PCDHA1: variants seen among roughly 807,000 people sequenced by gnomAD.
The protein encoded by PCDHA1 is protocadherin alpha-1.
Under a neutral mutation model 61.3 loss-of-function variants are expected in PCDHA1, and 42 were observed. The ratio of observed to expected loss-of-function variants is 0.69; its 90% CI spans 0.54 to 0.89. The LOEUF (loss-of-function observed/expected upper bound fraction) is 0.89, where lower values mean the gene tolerates loss of function less well. Ranked by LOEUF, PCDHA1 falls within the 40% of genes least tolerant of loss-of-function variation. The probability of loss-of-function intolerance (pLI) is 0.00; values close to 1 mark genes in which losing one functional copy is unlikely to be tolerated. For synonymous variants in PCDHA1, 610 were observed against 553.8 expected (o/e 1.10, Z -1.43); for missense variants, 1,256 against 1,235.3 (o/e 1.02, Z -0.25).
At chr5:140,970,773 T>G (rs1385909769) in intron 1 of PCDHA1, among the ~76,000 whole-genome samples, 1 of 152,240 alleles carries the variant, frequency 6.6e-6, no homozygotes, top group Non-Finnish European at 1.5e-5. Context: ...TTGCTGTACA[T>G]ACATATTGTA....
At chr5:140,951,767 G>A (rs561938687) in intron 1 of PCDHA1, among the ~76,000 whole-genome samples, 2 of 152,160 alleles carry the variant, frequency 1.3e-5, no homozygotes, top group South Asian at 2.1e-4. Context: ...ATCTCATGAC[G>A]TTCTTACATT....
At chr5:140,870,638 A>G in intron 1 of PCDHA1, 1 of 1,612,842 alleles carries the variant, frequency 6.2e-7, no homozygotes, top group East Asian at 2.2e-5. Flanking sequence ...GTGCACGCGG[A>G]GAGCGGCAAG....
chr5:140,836,322 C>T (rs2150257752), intron 1 of PCDHA1: 37 of 1,613,644 alleles, frequency 2.3e-5, no homozygotes, highest in Admixed American at 3.3e-5. Context: ...GCGCCACCGC[C>T]TTCTGGTGCT....
chr5:140,803,103 G>A, intron 1 of PCDHA1: 1 of 1,613,824 alleles, frequency 6.2e-7, no homozygotes, highest in South Asian at 1.1e-5. Flanking sequence ...CACGACCCGT[G>A]CCCTGGACGA....
chr5:141,008,359 G>A (rs1369587129), intron 3 of PCDHA1, among the ~76,000 whole-genome samples: 1 of 152,150 alleles, frequency 6.6e-6, no homozygotes, highest in Non-Finnish European at 1.5e-5. Flanking sequence ...GTCAACCAAA[G>A]GAGCAGTGTT....
At chr5:140,829,667 G>C in intron 1 of PCDHA1, 1 of 1,612,886 alleles carries the variant, frequency 6.2e-7, no homozygotes, top group Non-Finnish European at 8.5e-7. Context: ...GCTGGACCAC[G>C]AGGAGCTAGA....
At chr5:140,954,221 T>C (rs1237648662) in intron 1 of PCDHA1, among the ~76,000 whole-genome samples, 2 of 152,252 alleles carry the variant, frequency 1.3e-5, no homozygotes, top group African/African-American at 4.8e-5. Flanking sequence ...TTTTTGCTAT[T>C]GTGAATAGTG....
At chr5:140,830,450 G>C (rs2150186754) in intron 1 of PCDHA1, 3 of 1,598,530 alleles carry the variant, frequency 1.9e-6, no homozygotes, top group East Asian at 4.5e-5. Flanking sequence ...GGGTAAGGCG[G>C]AGAATCAGGA....
intron 1 of PCDHA1, among the ~76,000 whole-genome samples, chr5:140,798,310 A>T (rs1762314857): frequency 6.6e-6 from 1 of 152,246 alleles, no homozygotes; most frequent in African/African-American, 2.4e-5. Context: ...TATAAGTAAA[A>T]TAACCCATTA....
chr5:140,813,444 G>A (rs1765295965), intron 1 of PCDHA1: 1 of 152,196 alleles, frequency 6.6e-6, no homozygotes, highest in South Asian at 2.1e-4. Context: ...ATAGGGAATT[G>A]TAACACAATG....
At chr5:140,877,299 C>G (rs374061607) in intron 1 of PCDHA1, 2 of 1,613,924 alleles carry the variant, frequency 1.2e-6, no homozygotes, top group Admixed American at 1.7e-5. Context: ...GGCTGTCCTA[C>G]GAGTTGCAAC....
At position 140,945,888 on chromosome 5, in the gene PCDHA1, C is replaced by T. The variant is rs117232601; in HGVS notation, c.2395-33061C>T. Among the ~76,000 whole-genome samples, 21 of 152,006 alleles carry T rather than the reference C, an allele frequency of 1.4e-4. No homozygotes were observed. The East Asian group carries it at 2.9e-3, about 21-fold the overall frequency. On this transcript the variant is annotated intron_variant, in intron 1 of 3. Transcript: ENST00000504120. Reference sequence around the variant, plus strand: ...GAAATTGTAAAACTAACAAAGAAAACACAGTGGGAAAGATGAAAGATCAAT... The same window carrying T: ...GAAATTGTAAAACTAACAAAGAAAATACAGTGGGAAAGATGAAAGATCAAT...
At chr5:140,869,529 T>A in intron 1 of PCDHA1, 2 of 1,614,166 alleles carry the variant, frequency 1.2e-6, no homozygotes, top group Non-Finnish European at 1.7e-6. Flanking sequence ...AGCTGCTGAT[T>A]GCGGAATCTA....
intron 1 of PCDHA1, chr5:140,868,773 G>T: frequency 3.8e-6 from 1 of 263,102 alleles, no homozygotes. Flanking sequence ...GTTTCAATAT[G>T]ACTTATAATC....
intron 1 of PCDHA1, chr5:140,927,156 G>A (rs1261418178): frequency 6.2e-7 from 1 of 1,614,016 alleles, no homozygotes; most frequent in African/African-American, 1.3e-5. Flanking sequence ...AGCTGTGCAG[G>A]GCCAAAGCTG....
chr5:140,843,077 G>A, intron 1 of PCDHA1: 1 of 1,595,414 alleles, frequency 6.3e-7, no homozygotes, highest in South Asian at 1.1e-5. Context: ...GCGGTCTGTG[G>A]GCGCGGGCCA....
intron 1 of PCDHA1, chr5:140,883,357 T>C: frequency 6.2e-7 from 1 of 1,614,094 alleles, no homozygotes; most frequent in Non-Finnish European, 8.5e-7. Context: ...GAGAAGACAC[T>C]CAGCCTAGCG....
intron 1 of PCDHA1, among the ~76,000 whole-genome samples, chr5:140,926,200 G>A (rs1050721250): frequency 6.6e-6 from 1 of 151,674 alleles, no homozygotes; most frequent in Non-Finnish European, 1.5e-5. Context: ...ACTTCTTTCG[G>A]GGGGCTCCTG....
At chr5:140,805,153 C>T in intron 1 of PCDHA1, 1 of 1,559,928 alleles carries the variant, frequency 6.4e-7, no homozygotes, top group Non-Finnish European at 8.6e-7. Context: ...TTGGAATTTT[C>T]ACTTCACAGA....
Sources: allele counts gnomAD v4.1 joint callset (sites outside exome capture counted in the v4.1 genomes callset), GRCh38; gene constraint gnomAD v4.1.1; transcripts MANE v1.5; gene names NCBI Gene and HGNC (gene_info 2026-07-23, HGNC 2026-07-21).